MROH2A: variants seen among roughly 807,000 people sequenced by gnomAD.
The protein encoded by MROH2A is maestro heat-like repeat-containing protein family member 2A.
MROH2A carries 174 observed loss-of-function variants against 200.4 expected under a neutral mutation model. The ratio of observed to expected loss-of-function variants is 0.87; its 90% CI spans 0.77 to 0.98. The LOEUF is 0.98. Ranked by LOEUF, MROH2A falls within the 50% of genes least tolerant of loss-of-function variation. MROH2A has a pLI of 0.00. For missense variants in MROH2A, 2,045 were observed against 2,139.6 expected (o/e 0.96, Z 0.87); for synonymous variants, 829 against 840.4 (o/e 0.99, Z 0.23).
At chr2:233,795,591 G>T (rs1179330984) in intron 8 of MROH2A, 62 bp from the exon 9 acceptor site, 1 of 1,550,450 alleles carries the variant, frequency 6.4e-7, no homozygotes, top group South Asian at 1.2e-5. Context: ...AGTAGCGAGG[G>T]TCTAGAGTTT....
chr2:233,815,845 C>CTTTT (rs5839494), intron 26 of MROH2A, among the ~76,000 whole-genome samples: 1 of 129,250 alleles, frequency 7.7e-6, no homozygotes, highest in Non-Finnish European at 1.6e-5. Flanking sequence ...TTAGATTTTG[C>CTTTT]TTTTTTTTTT....
Position 233,807,500 on chromosome 2 carries a change from G to A in MROH2A, c.2130G>A (p.Glu710=), listed in dbSNP as rs1702877016. The change falls in exon 20 of 42, where the codon GAG becomes GAA. Residue 710 remains glutamate (E), a synonymous_variant. Coordinates refer to ENST00000389758, the MANE Select transcript of MROH2A (RefSeq NM_001394639.1). This position sits in a 1 kb window ranked among gnomAD's most constrained non-coding sequence, Gnocchi z 4.3. ...EASKVEVLLL[E]LLYKTDYSND... Reference sequence around the variant, plus strand: ...GCAAGGTGGAGGTCCTGCTGTTGGAGCTGCTGTACAAGACGGACTACAGCA... The same window carrying A: ...GCAAGGTGGAGGTCCTGCTGTTGGAACTGCTGTACAAGACGGACTACAGCA... 6 of 1,550,630 alleles carry A rather than the reference G, an allele frequency of 3.9e-6. No individual in the cohort carries two copies. Among genetic ancestry groups the A allele is most frequent in the Non-Finnish European group, 5.2e-6 (6 of 1,147,006 alleles).
At position 233,794,642 on chromosome 2, in the gene MROH2A, C is replaced by T. The variant is rs1488421456; in HGVS notation, c.966+136C>T. ...TGTGTCAGGAACCCGACATCTGTGC[C>T]CTGCGAGGGAGGGGCGTGGAGCCTG... On this transcript the variant is annotated intron_variant, in intron 8 of 41. Transcript: ENST00000389758. 14 of 606,502 alleles carry T rather than the reference C, an allele frequency of 2.3e-5. No individual in the cohort carries two copies. The East Asian group carries it at 3.9e-4, about 17-fold the overall frequency. The allele number at this position is 606,502 out of a possible 1,614,324, so 37.6% of individuals were successfully genotyped here.
chr2:233,806,333 T>C (rs1702788686), intron 19 of MROH2A, among the ~76,000 whole-genome samples: 1 of 152,210 alleles, frequency 6.6e-6, no homozygotes, highest in Non-Finnish European at 1.5e-5. Flanking sequence ...GTGCTTCTAC[T>C]ACTTCCTGTT....
chr2:233,800,861 T>C lies in MROH2A; in HGVS notation c.1560+546T>C, dbSNP rs559426986. On this transcript the variant is annotated intron_variant, in intron 14 of 41. Coordinates refer to ENST00000389758, the MANE Select transcript of MROH2A (RefSeq NM_001394639.1). ...TGTGACGTAGCAATAAGAGGAAAAA[T>C]GTACCATGAGAACATCAAGGAGGGA... Among the ~76,000 whole-genome samples, 5 of 151,904 alleles carry C rather than the reference T, an allele frequency of 3.3e-5. No individual in the cohort carries two copies. In the South Asian group the frequency reaches 1.0e-3, roughly 32 times the overall value.
Position 233,798,765 on chromosome 2 carries a change from C to T in MROH2A, c.1253-9C>T, listed in dbSNP as rs1425722869. 3.2e-6 allele frequency: 5 copies of T among 1,550,092 alleles called. No homozygotes were observed. In the South Asian group the frequency reaches 3.6e-5, roughly 11 times the overall value. On this transcript the variant is annotated splice_polypyrimidine_tract_variant and intron_variant, in intron 11 of 41. Transcript: ENST00000389758. Reference sequence around the variant, plus strand: ...CAGCCCTCCAGCCCACCCAGTTTTCCTCTTTCAGAGCCCAGGATGAGTATC... The same window carrying T: ...CAGCCCTCCAGCCCACCCAGTTTTCTTCTTTCAGAGCCCAGGATGAGTATC...
chr2:233,805,615 GA>G (rs1275871302), intron 19 of MROH2A, among the ~76,000 whole-genome samples: 1 of 151,848 alleles, frequency 6.6e-6, no homozygotes, highest in Non-Finnish European at 1.5e-5. Context: ...ATGAGAAGAA[GA>G]ATAAAGTTGG....
chr2:233,791,220 T>C (rs1453993476), intron 5 of MROH2A, among the ~76,000 whole-genome samples: 2 of 152,126 alleles, frequency 1.3e-5, no homozygotes, highest in African/African-American at 4.8e-5. Context: ...GCCTGGTGAA[T>C]GCAGGTTGTG....
At position 233,829,023 on chromosome 2, in the gene MROH2A, G is replaced by T. The variant is rs1704530528; in HGVS notation, c.4397G>T (p.Gly1466Val). The change falls in exon 37 of 42, where the codon GGG (glycine) becomes GTG (valine). Residue 1466 changes from glycine to valine, a missense_variant. Coordinates refer to ENST00000389758, the MANE Select transcript of MROH2A (RefSeq NM_001394639.1). ...ILAELREGDVGSSFDAMSEQC... is the reference protein window; with the variant it reads ...ILAELREGDVVSSFDAMSEQC... Reference sequence around the variant, plus strand: ...GCTGAGCTCCGGGAAGGGGATGTGGGGTCCTCTTTCGACGCCATGTCTGAG... The same window carrying T: ...GCTGAGCTCCGGGAAGGGGATGTGGTGTCCTCTTTCGACGCCATGTCTGAG... 2 of 1,549,520 alleles carry T rather than the reference G, an allele frequency of 1.3e-6. No individual in the cohort carries two copies. Among genetic ancestry groups the T allele is most frequent in the African/African-American group, 1.4e-5 (1 of 73,006 alleles).
intron 5 of MROH2A, among the ~76,000 whole-genome samples, chr2:233,790,464 C>T (rs60780953): frequency 8.6e-4 from 19 of 22,028 alleles, no homozygotes; most frequent in Admixed American, 2.5e-3. Flanking sequence ...CTTCCTTCCT[C>T]CCTCCCTCCT....
chr2:233,792,359 C>T (rs1701826317), intron 5 of MROH2A, among the ~76,000 whole-genome samples: 1 of 150,446 alleles, frequency 6.6e-6, no homozygotes, highest in Admixed American at 6.6e-5. Flanking sequence ...GTCGCCCAGG[C>T]TGGAGTGCAG....
chr2:233,811,659 A>C (rs2126147478), intron 23 of MROH2A, among the ~76,000 whole-genome samples: 1 of 152,376 alleles, frequency 6.6e-6, no homozygotes, highest in East Asian at 1.9e-4. Flanking sequence ...CACAGCAAGT[A>C]GATGAGCAGC....
intron 35 of MROH2A, among the ~76,000 whole-genome samples, chr2:233,824,378 A>G (rs1439098658): frequency 1.3e-5 from 2 of 152,258 alleles, no homozygotes; most frequent in African/African-American, 4.8e-5. Context: ...TGGAAGTACA[A>G]GACCAGTCTG....
intron 14 of MROH2A, among the ~76,000 whole-genome samples, chr2:233,800,719 C>T (rs1702421126): frequency 6.6e-6 from 1 of 151,984 alleles, no homozygotes; most frequent in Admixed American, 6.6e-5. Context: ...AGTTCTAACT[C>T]TGTGAAAGAC....
chr2:233,815,943 C>A (rs1323079002), intron 26 of MROH2A, among the ~76,000 whole-genome samples: 1 of 136,710 alleles, frequency 7.3e-6, no homozygotes, highest in African/African-American at 2.8e-5. Flanking sequence ...CTTATGATTT[C>A]TTCTTTGACC....
chr2:233,775,872 C>T (rs1000216875), upstream of MROH2A: 6 of 152,194 alleles, frequency 3.9e-5, no homozygotes, highest in African/African-American at 1.4e-4. Context: ...ATTATGGGGG[C>T]AGTTATCTCC....
At chr2:233,815,309 A>G (rs532553898) in intron 26 of MROH2A, among the ~76,000 whole-genome samples, 1 of 152,372 alleles carries the variant, frequency 6.6e-6, no homozygotes, top group East Asian at 1.9e-4. Context: ...TATTCTGGAT[A>G]CAACCCATCA....
chr2:233,818,246 A>G, intron 28 of MROH2A, 121 bp downstream of exon 28: 1 of 1,235,806 alleles, frequency 8.1e-7, no homozygotes. Context: ...AGGCATGGAG[A>G]CAAACACAGG....
chr2:233,809,369 C>G, intron 22 of MROH2A, 91 bp downstream of exon 22: 2 of 1,385,604 alleles, frequency 1.4e-6, no homozygotes, highest in East Asian at 2.5e-5. Context: ...GCATCCCTAC[C>G]CAGGGGACAT....
Sources: allele counts gnomAD v4.1 joint callset (sites outside exome capture counted in the v4.1 genomes callset), GRCh38; gene constraint gnomAD v4.1.1; non-coding constraint Gnocchi (gnomAD v3.1); transcripts MANE v1.5; gene names NCBI Gene and HGNC (gene_info 2026-07-23, HGNC 2026-07-21).